The following SNX30 variants were observed in gnomAD, a reference collection of about 807,000 sequenced individuals.
SNX30 encodes sorting nexin family member 30, also known as sorting nexin-30.
SNX30 carries 24 observed loss-of-function variants against 46.4 expected under a neutral mutation model. The ratio of observed to expected loss-of-function variants is 0.52; its 90% confidence interval spans 0.37 to 0.73. The LOEUF is 0.73. SNX30 is among the 30% of genes least tolerant of loss of function. The pLI, the probability that SNX30 is intolerant of heterozygous loss-of-function variation, is 0.00. For synonymous variants in SNX30, 189 were observed against 211.5 expected, an observed-to-expected ratio of 0.89 and a Z score of 0.92; for missense variants, 533 against 555.7, an observed-to-expected ratio of 0.96 and a Z score of 0.41.
At chr9:112,860,619 C>G (rs1275840213) in intron 7 of SNX30, among the ~76,000 whole-genome samples, 2 of 152,222 alleles carry the variant, frequency 1.3e-5, no homozygotes, top group East Asian at 1.9e-4. Flanking sequence ...GCCACAACCC[C>G]AGTTCCAGGA....
At chr9:112,804,313 C>T (rs1840188018) in intron 1 of SNX30, among the ~76,000 whole-genome samples, 1 of 152,130 alleles carries the variant, frequency 6.6e-6, no homozygotes, top group Non-Finnish European at 1.5e-5. Context: ...CACAGGCATG[C>T]ACCACCATGT....
intron 1 of SNX30, among the ~76,000 whole-genome samples, chr9:112,791,217 A>G (rs1201129731): frequency 2.0e-5 from 3 of 151,730 alleles, no homozygotes; most frequent in African/African-American, 7.3e-5. Context: ...TGTTCCCCCT[A>G]CCTGTAGCCC....
intron 6 of SNX30, among the ~76,000 whole-genome samples, chr9:112,841,850 C>T (rs1840864655): frequency 6.6e-6 from 1 of 152,106 alleles, no homozygotes; most frequent in South Asian, 2.1e-4. Flanking sequence ...TCCAAAATGG[C>T]TTTCTGATTT....
rs35257014 is a variant in SNX30 at position 112,813,786 on chromosome 9, T to TA, written c.349-3904dup. ...ACCACTCCTGGCTCTTATCTAAATT[T>TA]AAAAAAAAAAAAAAAGTCTTACCAA... is the stretch of plus-strand genomic sequence containing the variant. On this transcript the variant is annotated intron_variant, in intron 2 of 8. Transcript: ENST00000374232. Among the ~76,000 whole-genome samples the TA allele has an allele frequency of 9.2e-3, 1,304 of 141,724 alleles. 17 individuals carry two copies. Among genetic ancestry groups the TA allele is most frequent in the African/African-American group, 0.028 (1,085 of 38,196 alleles). 93.0% of individuals were successfully genotyped at this position (141,724 alleles called of 152,430 possible).
intron 1 of SNX30, among the ~76,000 whole-genome samples, chr9:112,753,632 C>T (rs964788372): frequency 6.6e-6 from 1 of 152,224 alleles, no homozygotes; most frequent in Non-Finnish European, 1.5e-5. Context: ...ATCTGCCCTC[C>T]TCGGCCTCCC....
intron 1 of SNX30, among the ~76,000 whole-genome samples, chr9:112,761,524 G>A (rs1193421998): frequency 2.0e-5 from 3 of 152,140 alleles, no homozygotes; most frequent in African/African-American, 4.8e-5. Context: ...AAGACCAGCC[G>A]TGAAAGAGGT....
chr9:112,806,228 G>A (rs555379448), intron 2 of SNX30, among the ~76,000 whole-genome samples: 2 of 152,064 alleles, frequency 1.3e-5, no homozygotes, highest in Admixed American at 6.6e-5. Context: ...GTTCCCTGGG[G>A]GACAGGATTG....
chr9:112,806,737 T>A (rs62576405), intron 2 of SNX30, among the ~76,000 whole-genome samples: 10,352 of 152,236 alleles, frequency 0.068, 450 homozygotes, highest in Non-Finnish European at 0.099. Flanking sequence ...CCTTCTTACT[T>A]ACCTTGTCCT....
intron 1 of SNX30, among the ~76,000 whole-genome samples, chr9:112,775,593 A>G (rs956143895): frequency 6.4e-4 from 44 of 68,526 alleles, no homozygotes; most frequent in African/African-American, 2.0e-3. Context: ...TGTGTAGGCA[A>G]TGCATTCTCT....
intron 7 of SNX30, among the ~76,000 whole-genome samples, chr9:112,858,507 C>T (rs113556876): frequency 0.032 from 4,795 of 152,202 alleles, 101 homozygotes; most frequent in East Asian, 0.088. Context: ...AGAGCAAGAC[C>T]TGTCTCAAAA....
At chr9:112,882,452 G>T (rs1841591691), downstream of SNX30, among the ~76,000 whole-genome samples, 1 of 152,118 alleles carries the variant, frequency 6.6e-6, no homozygotes, top group South Asian at 2.1e-4. Context: ...CAAGTGCAGG[G>T]CTTTCAGCAG....
chr9:112,814,229 A>AATTTTT (rs1365452372), intron 2 of SNX30, among the ~76,000 whole-genome samples: 1 of 152,130 alleles, frequency 6.6e-6, no homozygotes. Context: ...GACTTGACTC[A>AATTTTT]ATTTTTATTT....
chr9:112,851,069 T>A (rs994040109), intron 7 of SNX30, 124 bp downstream of exon 7: 32 of 596,390 alleles, frequency 5.4e-5, no homozygotes, highest in Non-Finnish European at 8.5e-5. Context: ...GTTGATGATG[T>A]TGTCCTTTTT....
At chr9:112,756,905 T>C (rs1839359218) in intron 1 of SNX30, among the ~76,000 whole-genome samples, 1 of 152,238 alleles carries the variant, frequency 6.6e-6, no homozygotes, top group South Asian at 2.1e-4. Flanking sequence ...CTTGATGTTA[T>C]GGGATACACA....
chr9:112,863,604 A>T (rs573681471), intron 7 of SNX30, among the ~76,000 whole-genome samples: 2 of 152,360 alleles, frequency 1.3e-5, no homozygotes, highest in South Asian at 4.1e-4. Flanking sequence ...TTTGACATGC[A>T]TAAGTAACTT....
chr9:112,815,058 C>T (rs1336104224), intron 2 of SNX30, among the ~76,000 whole-genome samples: 1 of 151,970 alleles, frequency 6.6e-6, no homozygotes, highest in African/African-American at 2.4e-5. Flanking sequence ...AATATGGAAA[C>T]ATATAAACCA....
chr9:112,861,515 G>C (rs1053009773), intron 7 of SNX30, among the ~76,000 whole-genome samples: 3 of 152,210 alleles, frequency 2.0e-5, no homozygotes, highest in Non-Finnish European at 2.9e-5. Flanking sequence ...CTAAGCTCTG[G>C]AAGTTTGGTT....
chr9:112,765,427 A>G (rs1246768549), intron 1 of SNX30, among the ~76,000 whole-genome samples: 1 of 152,188 alleles, frequency 6.6e-6, no homozygotes, highest in Non-Finnish European at 1.5e-5. Context: ...AAGATACCCC[A>G]TACCTGTGAG....
intron 1 of SNX30, among the ~76,000 whole-genome samples, chr9:112,765,361 C>T (rs1839519261): frequency 6.6e-6 from 1 of 152,182 alleles, no homozygotes; most frequent in African/African-American, 2.4e-5. Context: ...AATATATTCA[C>T]AAGATAATGC....
Sources: allele counts gnomAD v4.1 joint callset (sites outside exome capture counted in the v4.1 genomes callset), GRCh38; gene constraint gnomAD v4.1.1; transcripts MANE v1.5; gene names NCBI Gene and HGNC (gene_info 2026-07-23, HGNC 2026-07-21).